The following DGKB variants were observed in gnomAD, a reference collection of about 807,000 sequenced individuals.
DGKB encodes diacylglycerol kinase beta.
In DGKB, 67 loss-of-function variants were observed where a neutral mutation model predicts 114.3. That is an observed-to-expected ratio of 0.59 (90% CI 0.48 to 0.72). DGKB has a LOEUF of 0.72. DGKB is among the 30% of genes least tolerant of loss of function. The pLI is 0.00. For synonymous variants in DGKB, 398 were observed against 323.1 expected (o/e 1.23, Z -2.49); for missense variants, 907 against 975.2 (o/e 0.93, Z 0.93).
chr7:14,817,655 T>C (rs992596315), intron 2 of DGKB, among the ~76,000 whole-genome samples: 3 of 152,214 alleles, frequency 2.0e-5, no homozygotes, highest in Non-Finnish European at 2.9e-5. Context: ...GAGTTAGGTC[T>C]TTTAATTAAC....
chr7:14,821,035 C>T (rs1384911090), intron 2 of DGKB, among the ~76,000 whole-genome samples: 1 of 152,104 alleles, frequency 6.6e-6, no homozygotes, highest in Non-Finnish European at 1.5e-5. Flanking sequence ...AAGGTCTATG[C>T]TCCTACCCCA....
intron 23 of DGKB, among the ~76,000 whole-genome samples, chr7:14,230,037 G>C (rs916113249): frequency 1.3e-5 from 2 of 151,924 alleles, no homozygotes; most frequent in African/African-American, 4.8e-5. Flanking sequence ...GTTGGTCTTT[G>C]GAAAAGTCTT....
chr7:14,757,610 T>A (rs999639454), intron 3 of DGKB, 45 bp downstream of exon 3: 3 of 1,118,920 alleles, frequency 2.7e-6, no homozygotes, highest in Admixed American at 4.1e-5. Flanking sequence ...AATACCCTCT[T>A]CCAAGCATAT....
rs749774757 is a variant in DGKB at position 14,630,231 on chromosome 7, C to T, written c.1167+5G>A. The T allele has an allele frequency of 1.2e-5, 19 of 1,545,476 alleles. No individual in the cohort carries two copies. The highest frequency in any genetic ancestry group is 1.0e-4 in the Admixed American group (5 of 49,342). On this transcript the variant is annotated splice_donor_5th_base_variant and intron_variant, in intron 14 of 25. Coordinates refer to ENST00000402815, the MANE Select transcript of DGKB (RefSeq NM_001350709.2). ...AAGTGTGAAAACCTGTTTTTGCTTA[C>T]GCACCTCAGGAACTGAAACTCCTGA... is the stretch of plus-strand genomic sequence containing the variant.
chr7:14,734,308 G>A (rs1323542529), intron 5 of DGKB, among the ~76,000 whole-genome samples: 1 of 151,784 alleles, frequency 6.6e-6, no homozygotes, highest in African/African-American at 2.4e-5. Flanking sequence ...GAAAGTGCTG[G>A]GATTACAGGC....
At chr7:14,490,501 A>G (rs1784451239) in intron 20 of DGKB, among the ~76,000 whole-genome samples, 1 of 152,164 alleles carries the variant, frequency 6.6e-6, no homozygotes, top group South Asian at 2.1e-4. Context: ...CTTTGTAACT[A>G]GAAATGGTTA....
intron 23 of DGKB, among the ~76,000 whole-genome samples, chr7:14,196,793 T>C (rs1362025679): frequency 1.3e-5 from 2 of 151,674 alleles, no homozygotes; most frequent in African/African-American, 4.8e-5. Context: ...CCAAAGAGCT[T>C]GAATTAAAAA....
In DGKB at chr7:14,718,579, A is replaced by G. The variant is rs1278320378; in HGVS notation, c.429T>C (p.Ser143=). The G allele has an allele frequency of 6.2e-7, 1 of 1,613,106 alleles. No homozygotes were observed. The highest frequency in any genetic ancestry group is 1.7e-5 in the Admixed American group (1 of 59,910). ...CCTCAGGTCTTCCTCTTTCAAGCAG[A>G]GACAGGTAACAGACAATGTCCTTCA... ...IHLKDIVCYL[S]LLERGRPEDK... The change falls in exon 6 of 26, where the codon TCT becomes TCC. Residue 143 remains serine, a synonymous_variant. Transcript: ENST00000402815.
intron 22 of DGKB, among the ~76,000 whole-genome samples, chr7:14,343,985 T>C (rs985610827): frequency 2.0e-5 from 3 of 147,772 alleles, no homozygotes; most frequent in Non-Finnish European, 4.5e-5. Context: ...AGATGTCATA[T>C]ATTATTATAT....
intron 20 of DGKB, among the ~76,000 whole-genome samples, chr7:14,517,826 G>T (rs1192353935): frequency 1.3e-5 from 2 of 152,106 alleles, no homozygotes; most frequent in African/African-American, 2.4e-5. Context: ...TGCTGGCGAG[G>T]TTGTGGAGAA....
intron 23 of DGKB, among the ~76,000 whole-genome samples, chr7:14,316,100 A>C (rs1806447247): frequency 6.6e-6 from 1 of 150,982 alleles, no homozygotes; most frequent in Admixed American, 6.6e-5. Flanking sequence ...ACAAAGACAC[A>C]ACATACCAGA....
At chr7:14,557,124 A>T (rs1795989544) in intron 20 of DGKB, among the ~76,000 whole-genome samples, 1 of 152,064 alleles carries the variant, frequency 6.6e-6, no homozygotes, top group African/African-American at 2.4e-5. Flanking sequence ...AGGTGTAGAG[A>T]CCAGTAATCT....
At chr7:14,623,955 C>A (rs1808108590) in intron 14 of DGKB, among the ~76,000 whole-genome samples, 1 of 152,078 alleles carries the variant, frequency 6.6e-6, no homozygotes, top group African/African-American at 2.4e-5. Flanking sequence ...ACCTATTTCT[C>A]AGAGTTGTGT....
At chr7:14,781,310 C>T (rs936096764) in intron 2 of DGKB, among the ~76,000 whole-genome samples, 3 of 152,206 alleles carry the variant, frequency 2.0e-5, no homozygotes, top group African/African-American at 7.2e-5. Flanking sequence ...TCAGTATTCA[C>T]ATTCTGGGTC....
chr7:14,437,199 CAAT>C (rs1309615073), intron 21 of DGKB, among the ~76,000 whole-genome samples: 1 of 151,834 alleles, frequency 6.6e-6, no homozygotes, highest in Non-Finnish European at 1.5e-5. Context: ...AGAACAACAA[CAAT>C]AAGAAAAAAC....
At chr7:14,647,516 C>A (rs568149011) in intron 13 of DGKB, among the ~76,000 whole-genome samples, 1 of 152,260 alleles carries the variant, frequency 6.6e-6, no homozygotes, top group African/African-American at 2.4e-5. Context: ...AAACGAAACA[C>A]AGACACAAAA....
upstream of DGKB, among the ~76,000 whole-genome samples, chr7:14,903,657 G>A (rs1783471403): frequency 6.6e-6 from 1 of 152,152 alleles, no homozygotes; most frequent in African/African-American, 2.4e-5. Flanking sequence ...GCAGGTGACT[G>A]GAGGATGGAT....
chr7:14,661,414 C>T (rs910862927), intron 13 of DGKB, among the ~76,000 whole-genome samples: 1 of 140,386 alleles, frequency 7.1e-6, no homozygotes. Flanking sequence ...AGACACTTCT[C>T]AAAAGAAGAC....
chr7:14,646,894 C>A (rs1813139912), intron 13 of DGKB, among the ~76,000 whole-genome samples: 1 of 151,656 alleles, frequency 6.6e-6, no homozygotes, highest in Admixed American at 6.6e-5. Flanking sequence ...AAATAAACAA[C>A]CTAACAATAC....
Sources: gnomAD v4.1 joint callset for allele counts (sites outside exome capture counted in the v4.1 genomes callset) on GRCh38, gnomAD v4.1.1 for gene constraint, MANE v1.5 for transcripts, NCBI Gene and HGNC (gene_info 2026-07-23, HGNC 2026-07-21) for gene names.